BCR: variants seen among roughly 807,000 people sequenced by gnomAD.
BCR encodes the protein breakpoint cluster region protein.
A neutral mutation model predicts 138.6 loss-of-function variants in BCR; 58 were observed. The observed-to-expected ratio is 0.42, with a 90% CI of 0.34 to 0.52. The LOEUF is 0.52. Ranked by LOEUF, BCR falls within the 20% of genes least tolerant of loss-of-function variation. The probability of loss-of-function intolerance (pLI) is 0.06; values close to 1 mark genes in which losing one functional copy is unlikely to be tolerated. For synonymous variants in BCR, 786 were observed against 730.1 expected, an observed-to-expected ratio of 1.08 and a Z score of -1.23; for missense variants, 1,599 against 1,727.2, an observed-to-expected ratio of 0.93 and a Z score of 1.32.
chr22:23,185,478 A>G (rs770984390), intron 1 of BCR, among the ~76,000 whole-genome samples: 1 of 152,054 alleles, frequency 6.6e-6, no homozygotes, highest in African/African-American at 2.4e-5. Flanking sequence ...ATCCTGGCTA[A>G]CACGGTGAAA....
intron 1 of BCR, among the ~76,000 whole-genome samples, chr22:23,229,748 C>G (rs1403919483): frequency 1.3e-5 from 2 of 152,244 alleles, no homozygotes; most frequent in African/African-American, 4.8e-5. Context: ...TCCCTATACT[C>G]TCTACTTCCC....
intron 1 of BCR, among the ~76,000 whole-genome samples, chr22:23,216,705 T>A (rs1188377865): frequency 6.6e-6 from 1 of 152,260 alleles, no homozygotes; most frequent in Non-Finnish European, 1.5e-5. Flanking sequence ...GTCATGTGAC[T>A]GTATTCAGTT....
At chr22:23,227,820 T>A (rs1602037883) in intron 1 of BCR, among the ~76,000 whole-genome samples, 1 of 152,204 alleles carries the variant, frequency 6.6e-6, no homozygotes, top group East Asian at 1.9e-4. Flanking sequence ...TGGGTCATGT[T>A]GTGAGGTCCT....
Position 23,226,596 on chromosome 22 carries a change from G to C in BCR, c.1280-27203G>C, listed in dbSNP as rs373133697. ...TTAGGCCAGGGGTTGGCAAATTGCA[G>C]CTTAGTCCTGTCTGCTGCCTGTTTT... On this transcript the variant is annotated intron_variant, in intron 1 of 22. Coordinates refer to ENST00000305877, the MANE Select transcript of BCR (RefSeq NM_004327.4). Among the ~76,000 whole-genome samples, 10 of 152,322 alleles carry C rather than the reference G, an allele frequency of 6.6e-5. No homozygotes were observed. The East Asian group carries it at 1.5e-3, about 23-fold the overall frequency.
In BCR at chr22:23,246,480, G is replaced by C. The variant is rs61271877; in HGVS notation, c.1280-7319G>C. On this transcript the variant is annotated intron_variant, in intron 1 of 22. Transcript: ENST00000305877. ...GGTACAAGTTTTTGTTTGAACACTAGTTTTCAATTGTTTTGATTATACACC... is the reference window on the plus strand; with the variant it reads ...GGTACAAGTTTTTGTTTGAACACTACTTTTCAATTGTTTTGATTATACACC... 6.6e-4 allele frequency among the ~76,000 whole-genome samples: 100 copies of C among 152,254 alleles called. 2 individuals are homozygous for C. The South Asian group carries it at 1.0e-2, about 15-fold the overall frequency.
intron 1 of BCR, among the ~76,000 whole-genome samples, chr22:23,227,049 C>T (rs987382979): frequency 6.6e-6 from 1 of 152,032 alleles, no homozygotes; most frequent in Admixed American, 6.6e-5. Flanking sequence ...ACACAGTTCA[C>T]CTTAAGCTTT....
intron 4 of BCR, among the ~76,000 whole-genome samples, chr22:23,266,569 C>G (rs1221274828): frequency 6.6e-6 from 1 of 151,720 alleles, no homozygotes; most frequent in Admixed American, 6.6e-5. Context: ...TTTGTATTTT[C>G]AGTAGAAACT....
intron 15 of BCR, 80 bp downstream of exon 15, chr22:23,292,718 A>AGG: frequency 7.7e-7 from 1 of 1,290,866 alleles, no homozygotes; most frequent in Non-Finnish European, 1.1e-6. Flanking sequence ...CTAAACCTTC[A>AGG]GGGGCTCCCT....
chr22:23,281,111 C>T (rs867987654), intron 8 of BCR, among the ~76,000 whole-genome samples: 7 of 152,236 alleles, frequency 4.6e-5, no homozygotes, highest in Non-Finnish European at 7.3e-5. Context: ...AACATGGAGA[C>T]ACACAGGGAC....
At chr22:23,287,010 C>A in intron 10 of BCR, 149 bp from the exon 11 acceptor site, 1 of 1,341,308 alleles carries the variant, frequency 7.5e-7, no homozygotes. Flanking sequence ...CCAGCAACTG[C>A]GGTCTGGGGC....
chr22:23,226,867 G>T (rs1266004902), intron 1 of BCR, among the ~76,000 whole-genome samples: 1 of 152,120 alleles, frequency 6.6e-6, no homozygotes, highest in Non-Finnish European at 1.5e-5. Context: ...GAATGAACAG[G>T]TCCCCTCAGT....
At chr22:23,278,524 T>C (rs2073605260) in intron 8 of BCR, among the ~76,000 whole-genome samples, 8 of 152,088 alleles carry the variant, frequency 5.3e-5, no homozygotes, top group Admixed American at 5.2e-4. Context: ...GTTAGGACTT[T>C]GAGACCAGCC....
chr22:23,198,784 G>A (rs756732696), intron 1 of BCR, among the ~76,000 whole-genome samples: 5 of 152,108 alleles, frequency 3.3e-5, no homozygotes, highest in African/African-American at 9.7e-5. Flanking sequence ...GCATGGGCCC[G>A]CCCTTGTTCC....
chr22:23,276,269 G>T (rs1345026870), intron 8 of BCR, among the ~76,000 whole-genome samples: 1 of 152,030 alleles, frequency 6.6e-6, no homozygotes. Context: ...CGTGGTGGTG[G>T]GCACCTGTAG....
rs183388606 is a variant in BCR, at chr22:23,284,617, C to G, written c.2238-416C>G. On this transcript the variant is annotated intron_variant, in intron 9 of 22. Transcript: ENST00000305877. ...GCCCTGCTGAGTGGGTTTAATCAGT[C>G]AACTCAGAGGAGAGCCTTAGTTCCC... 7.7e-4 allele frequency among the ~76,000 whole-genome samples: 118 copies of G among 152,314 alleles called. 1 individual carries two copies. The highest frequency in any genetic ancestry group is 2.9e-3 in the Admixed American group (44 of 15,298).
chr22:23,282,603 G>A (rs1370274067), intron 8 of BCR, among the ~76,000 whole-genome samples: 6 of 152,338 alleles, frequency 3.9e-5, no homozygotes, highest in South Asian at 2.1e-4. Flanking sequence ...GAGGCTCCCC[G>A]AGAAGAACCT....
At chr22:23,219,210 C>T (rs2072793783) in intron 1 of BCR, among the ~76,000 whole-genome samples, 1 of 152,212 alleles carries the variant, frequency 6.6e-6, no homozygotes, top group African/African-American at 2.4e-5. Flanking sequence ...TGGGGTGTGT[C>T]TTCCAACTGG....
At chr22:23,216,344 C>G (rs187182671) in intron 1 of BCR, among the ~76,000 whole-genome samples, 63 of 152,308 alleles carry the variant, frequency 4.1e-4, no homozygotes, top group Admixed American at 3.7e-3. Context: ...GGGCATTTTC[C>G]TAAGGAAAAT....
chr22:23,281,004 C>T (rs527753146), intron 8 of BCR, among the ~76,000 whole-genome samples: 10 of 152,328 alleles, frequency 6.6e-5, no homozygotes, highest in East Asian at 3.9e-4. Context: ...GTGAGACACA[C>T]GGGCACACAC....
Sources: allele counts gnomAD v4.1 joint callset (sites outside exome capture counted in the v4.1 genomes callset), GRCh38; gene constraint gnomAD v4.1.1; transcripts MANE v1.5; gene names NCBI Gene and HGNC (gene_info 2026-07-23, HGNC 2026-07-21).